Variants in ANK2 observed in about 807,000 individuals in gnomAD.
ANK2 encodes the protein ankyrin-2.
A neutral mutation model predicts 360.5 loss-of-function variants in ANK2; 83 were observed. That is an observed-to-expected ratio of 0.23 (90% confidence interval 0.19 to 0.28). The LOEUF (loss-of-function observed/expected upper bound fraction) is 0.28, where lower values mean the gene tolerates loss of function less well. ANK2 is among the 10% of genes least tolerant of loss of function. The pLI, the probability that ANK2 is intolerant of heterozygous loss-of-function variation, is 1.00. For synonymous variants in ANK2, 1,740 were observed against 1,759.5 expected, an observed-to-expected ratio of 0.99 and a Z score of 0.28; for missense variants, 4,201 against 4,795.7, an observed-to-expected ratio of 0.88 and a Z score of 3.66.
the ANK2 span, among the ~76,000 whole-genome samples, chr4:112,777,085 G>T: frequency 6.6e-6 from 1 of 152,100 alleles, no homozygotes; most frequent in Non-Finnish European, 1.5e-5. Context: ...AGTGAATGTT[G>T]GCATAATATA....
At chr4:112,731,593 G>A in the ANK2 span, among the ~76,000 whole-genome samples, 1 of 151,728 alleles carries the variant, frequency 6.6e-6, no homozygotes, top group South Asian at 2.1e-4. Flanking sequence ...TGTGGGGTGT[G>A]TGTGCACATG....
chr4:112,803,656 C>T, the ANK2 span, among the ~76,000 whole-genome samples: 4 of 152,158 alleles, frequency 2.6e-5, no homozygotes, highest in African/African-American at 9.6e-5. Context: ...ATAAATATCT[C>T]GAATATTGCA....
the ANK2 span, among the ~76,000 whole-genome samples, chr4:112,769,561 A>G: frequency 6.6e-6 from 1 of 152,248 alleles, no homozygotes; most frequent in African/African-American, 2.4e-5. Context: ...ATTCCTTTCC[A>G]TCAGTGCCCA....
chr4:113,053,606 T>G (rs2068153522), intron 1 of ANK2, among the ~76,000 whole-genome samples: 1 of 152,166 alleles, frequency 6.6e-6, no homozygotes. Flanking sequence ...GATTTTTATA[T>G]TTTTTGAGGC....
chr4:113,108,001 C>T (rs1237460690), intron 1 of ANK2, among the ~76,000 whole-genome samples: 4 of 152,084 alleles, frequency 2.6e-5, no homozygotes, highest in Admixed American at 6.6e-5. Context: ...CTGATATATG[C>T]GTAGTTTAAA....
At chr4:113,307,440 G>C (rs2077753773) in intron 23 of ANK2, among the ~76,000 whole-genome samples, 1 of 142,202 alleles carries the variant, frequency 7.0e-6, no homozygotes, top group African/African-American at 2.7e-5. Flanking sequence ...TTTTGTGATG[G>C]AGTCTCACTC....
At chr4:113,203,688 C>T (rs2098892110) in intron 4 of ANK2, among the ~76,000 whole-genome samples, 1 of 152,044 alleles carries the variant, frequency 6.6e-6, no homozygotes. Flanking sequence ...CAGGCATTGT[C>T]TCTAGTGTGT....
intron 2 of ANK2, among the ~76,000 whole-genome samples, chr4:112,995,613 C>T (rs1484080781): frequency 6.6e-6 from 1 of 152,112 alleles, no homozygotes. Context: ...TCCCACTCTT[C>T]AATTTTTGTT....
chr4:113,381,005 G>A (rs2097153615), intron 45 of ANK2, among the ~76,000 whole-genome samples: 1 of 151,336 alleles, frequency 6.6e-6, no homozygotes, highest in African/African-American at 2.5e-5. Flanking sequence ...GGGTATGACT[G>A]TAAGGTTTAA....
chr4:112,871,062 T>C (rs1030878787), intron 1 of ANK2, among the ~76,000 whole-genome samples: 1 of 152,230 alleles, frequency 6.6e-6, no homozygotes, highest in Middle Eastern at 3.2e-3. Context: ...CGTTTGATGC[T>C]ATCACAAATG....
At chr4:112,990,710 A>G (rs2046446767) in intron 2 of ANK2, among the ~76,000 whole-genome samples, 1 of 152,214 alleles carries the variant, frequency 6.6e-6, no homozygotes, top group Non-Finnish European at 1.5e-5. Context: ...TTCTACCTTT[A>G]TCACAGGACA....
intron 4 of ANK2, among the ~76,000 whole-genome samples, chr4:113,212,989 A>T (rs560366452): frequency 6.6e-6 from 1 of 152,226 alleles, no homozygotes; most frequent in Non-Finnish European, 1.5e-5. Flanking sequence ...CACAATGCCT[A>T]AAGACCCTTA....
intron 2 of ANK2, among the ~76,000 whole-genome samples, chr4:112,937,862 A>G (rs2093887455): frequency 6.6e-6 from 1 of 152,220 alleles, no homozygotes; most frequent in African/African-American, 2.4e-5. Context: ...GGCCTCTGCA[A>G]CTTATTAGCT....
At chr4:113,124,305 A>C (rs1582297602) in intron 1 of ANK2, among the ~76,000 whole-genome samples, 1 of 152,186 alleles carries the variant, frequency 6.6e-6, no homozygotes, top group Admixed American at 6.5e-5. Flanking sequence ...CAAGTCAACA[A>C]CTACCTTTTG....
chr4:113,114,718 T>C (rs1231557119), intron 1 of ANK2, among the ~76,000 whole-genome samples: 2 of 152,204 alleles, frequency 1.3e-5, no homozygotes, highest in South Asian at 2.1e-4. Context: ...AAGGTTTTTT[T>C]TGACAACAGG....
At chr4:112,986,426 A>G (rs1350884877) in intron 2 of ANK2, among the ~76,000 whole-genome samples, 1 of 152,202 alleles carries the variant, frequency 6.6e-6, no homozygotes, top group African/African-American at 2.4e-5. Context: ...AAAGCCCCAG[A>G]GGGTAGCCAG....
At chr4:113,180,585 G>T (rs1454877281) in intron 2 of ANK2, among the ~76,000 whole-genome samples, 6 of 152,038 alleles carry the variant, frequency 3.9e-5, no homozygotes, top group Non-Finnish European at 8.8e-5. Flanking sequence ...TATTTATCTG[G>T]GTTGCATTAA....
At chr4:113,348,161 T>A in intron 35 of ANK2, 115 bp from the exon 36 acceptor site, 1 of 1,014,354 alleles carries the variant, frequency 9.9e-7, no homozygotes, top group South Asian at 1.3e-5. Flanking sequence ...GACTGTATGC[T>A]TGCCTGTTGA....
intron 1 of ANK2, among the ~76,000 whole-genome samples, chr4:113,086,496 C>A (rs1339817231): frequency 6.6e-6 from 1 of 152,184 alleles, no homozygotes; most frequent in African/African-American, 2.4e-5. Flanking sequence ...AGGCCCTGTT[C>A]TAGGGCTGGA....
Sources: allele counts gnomAD v4.1 joint callset (sites outside exome capture counted in the v4.1 genomes callset), GRCh38; gene constraint gnomAD v4.1.1; transcripts MANE v1.5; gene names NCBI Gene and HGNC (gene_info 2026-07-23, HGNC 2026-07-21).